Variants in ATP2B2 observed in about 807,000 individuals in gnomAD.
ATP2B2 encodes ATPase plasma membrane Ca2+ transporting 2, also known as plasma membrane calcium-transporting ATPase 2.
Under a neutral mutation model 120.0 loss-of-function variants are expected in ATP2B2, and 15 were observed. That is an observed-to-expected ratio of 0.12 (90% CI 0.08 to 0.19). The LOEUF (loss-of-function observed/expected upper bound fraction) is 0.19. ATP2B2 is among the 10% of genes least tolerant of loss of function. ATP2B2 has a pLI of 1.00. For synonymous variants in ATP2B2, 694 were observed against 700.3 expected, an observed-to-expected ratio of 0.99 and a Z score of 0.14; for missense variants, 1,045 against 1,719.8, an observed-to-expected ratio of 0.61 and a Z score of 6.94.
chr3:10,401,159 C>A, intron 4 of ATP2B2, 81 bp from the exon 5 acceptor site: 2 of 1,566,888 alleles, frequency 1.3e-6, no homozygotes, highest in South Asian at 2.3e-5. Context: ...GTGCGATTAC[C>A]AGGGAAGGTT....
intron 2 of ATP2B2, among the ~76,000 whole-genome samples, chr3:10,550,259 G>A (rs906372483): frequency 3.3e-5 from 5 of 152,142 alleles, no homozygotes; most frequent in Admixed American, 3.3e-4. Context: ...CTGAAACCTA[G>A]AACGGAAGTA....
chr3:10,428,666 G>T (rs1416575280), intron 2 of ATP2B2, among the ~76,000 whole-genome samples: 1 of 152,224 alleles, frequency 6.6e-6, no homozygotes, highest in African/African-American at 2.4e-5. Context: ...GTTCTGTGTA[G>T]CCTGAGGCTC....
At chr3:10,603,417 T>C (rs2068977650) in intron 2 of ATP2B2, among the ~76,000 whole-genome samples, 1 of 152,242 alleles carries the variant, frequency 6.6e-6, no homozygotes, top group Non-Finnish European at 1.5e-5. Flanking sequence ...TTAAAATCGC[T>C]TTAAAAATAG....
chr3:10,629,232 G>T (rs2069793605), intron 1 of ATP2B2, among the ~76,000 whole-genome samples: 1 of 152,210 alleles, frequency 6.6e-6, no homozygotes, highest in South Asian at 2.1e-4. Flanking sequence ...AAGCAGGAAG[G>T]CAGAGCGTCA....
intron 2 of ATP2B2, among the ~76,000 whole-genome samples, chr3:10,590,600 G>T (rs1414807511): frequency 6.6e-6 from 1 of 152,182 alleles, no homozygotes; most frequent in Non-Finnish European, 1.5e-5. Flanking sequence ...AAGAGGCACA[G>T]CTGCTCTTGG....
intron 21 of ATP2B2, among the ~76,000 whole-genome samples, chr3:10,339,728 C>T (rs562491382): frequency 3.9e-5 from 6 of 152,292 alleles, no homozygotes; most frequent in Admixed American, 1.3e-4. Context: ...GTCCTGCTTG[C>T]GTTCCCTCTG....
intron 1 of ATP2B2, among the ~76,000 whole-genome samples, chr3:10,463,867 T>C (rs1006914604): frequency 6.6e-6 from 1 of 152,240 alleles, no homozygotes; most frequent in Non-Finnish European, 1.5e-5. Flanking sequence ...CAGGACACTC[T>C]GATCTGCCAG....
chr3:10,558,327 G>C lies in ATP2B2; in HGVS notation c.-414-24194C>G, dbSNP rs567383109. 2.8e-4 allele frequency among the ~76,000 whole-genome samples: 42 copies of C among 152,298 alleles called. No individual in the cohort carries two copies. The South Asian group carries it at 8.7e-3, about 32-fold the overall frequency. ...TAGTGACTGGTTCATGGAAGTGCAC[G>C]TGGTCTGTGAGCCACTGAGAGGCAG... On this transcript the variant is annotated intron_variant, in intron 2 of 21. Transcript: ENST00000646379.
At chr3:10,385,934 G>A (rs1026596520) in intron 7 of ATP2B2, among the ~76,000 whole-genome samples, 7 of 152,246 alleles carry the variant, frequency 4.6e-5, no homozygotes, top group African/African-American at 1.7e-4. Flanking sequence ...AATTTAAAAG[G>A]TGACATCAAG....
chr3:10,501,625 G>A (rs2066398248), intron 1 of ATP2B2, among the ~76,000 whole-genome samples: 1 of 152,108 alleles, frequency 6.6e-6, no homozygotes, highest in African/African-American at 2.4e-5. Flanking sequence ...GCCTTGTTTT[G>A]GATTTGAGGG....
chr3:10,595,601 C>G (rs2068747379), intron 2 of ATP2B2, among the ~76,000 whole-genome samples: 1 of 152,158 alleles, frequency 6.6e-6, no homozygotes, highest in African/African-American at 2.4e-5. Context: ...AAACTTAAAC[C>G]CTGGTGATCA....
At chr3:10,471,103 G>A (rs184627894) in intron 1 of ATP2B2, among the ~76,000 whole-genome samples, 18 of 152,282 alleles carry the variant, frequency 1.2e-4, no homozygotes, top group African/African-American at 2.6e-4. Context: ...TCCGCAGTCC[G>A]ACCTGCCCAG....
chr3:10,702,307 G>C (rs371723713), intron 1 of ATP2B2, among the ~76,000 whole-genome samples: 1 of 152,226 alleles, frequency 6.6e-6, no homozygotes, highest in South Asian at 2.1e-4. Flanking sequence ...GATCACGATA[G>C]TAACACTAAT....
At chr3:10,641,216 G>C (rs1157573852) in intron 1 of ATP2B2, among the ~76,000 whole-genome samples, 1 of 152,238 alleles carries the variant, frequency 6.6e-6, no homozygotes, top group Non-Finnish European at 1.5e-5. Context: ...GCTCAGAAGA[G>C]CCTAAGGTAG....
At chr3:10,664,713 T>C (rs1350579748) in intron 1 of ATP2B2, among the ~76,000 whole-genome samples, 2 of 152,164 alleles carry the variant, frequency 1.3e-5, no homozygotes, top group East Asian at 3.9e-4. Flanking sequence ...TAAAAGATTG[T>C]TGGAAACACA....
At chr3:10,466,929 C>T (rs896011172) in intron 1 of ATP2B2, among the ~76,000 whole-genome samples, 1 of 152,200 alleles carries the variant, frequency 6.6e-6, no homozygotes, top group South Asian at 2.1e-4. Flanking sequence ...TGCGGCCCCA[C>T]AGCTGGTCAC....
intron 1 of ATP2B2, among the ~76,000 whole-genome samples, chr3:10,675,213 T>C (rs1559515730): frequency 6.6e-6 from 1 of 152,264 alleles, no homozygotes; most frequent in Non-Finnish European, 1.5e-5. Context: ...AGCACACCTA[T>C]GTGTCCAAAC....
chr3:10,382,232 C>T (rs913059040), intron 8 of ATP2B2, among the ~76,000 whole-genome samples: 1 of 127,748 alleles, frequency 7.8e-6, no homozygotes, highest in Non-Finnish European at 1.6e-5. Flanking sequence ...GATGTGGTCT[C>T]ACTATGATGT....
chr3:10,380,079 C>A (rs1447383821), intron 8 of ATP2B2, among the ~76,000 whole-genome samples: 1 of 152,204 alleles, frequency 6.6e-6, no homozygotes, highest in African/African-American at 2.4e-5. Context: ...GGGTATGGCT[C>A]AGGCTACAGC....
Sources: allele counts gnomAD v4.1 joint callset (sites outside exome capture counted in the v4.1 genomes callset), GRCh38; gene constraint gnomAD v4.1.1; transcripts MANE v1.5; gene names NCBI Gene and HGNC (gene_info 2026-07-23, HGNC 2026-07-21).